TENM2: variants seen among roughly 807,000 people sequenced by gnomAD.
TENM2 encodes the protein teneurin-2.
In TENM2, 52 loss-of-function variants were observed where a neutral mutation model predicts 245.2. The observed-to-expected ratio is 0.21, with a 90% CI of 0.17 to 0.27. TENM2 has a LOEUF of 0.27. TENM2 is among the 10% of genes least tolerant of loss of function. The pLI is 1.00. For synonymous variants in TENM2, 1,363 were observed against 1,438.9 expected (o/e 0.95, Z 1.19); for missense variants, 3,046 against 3,666.8 (o/e 0.83, Z 4.37).
rs376624899 is a variant in TENM2 at position 167,423,228 on chromosome 5, T to C, written c.502+47755T>C. Among the ~76,000 whole-genome samples the C allele has an allele frequency of 7.2e-5, 11 of 152,252 alleles. No homozygotes were observed. In the East Asian group the frequency reaches 2.1e-3, roughly 29 times the overall value. ...AAAATTATTGTAGCATTTTTAGGGG[T>C]CATTGGTACATTTACTCAGCAAAGT... On this transcript the variant is annotated intron_variant, in intron 2 of 28. Transcript: ENST00000518659.
the TENM2 span, among the ~76,000 whole-genome samples, chr5:167,151,687 TTTTGTATTTTTAGTAGAGATG>T: frequency 5.7e-4 from 87 of 152,204 alleles, no homozygotes; most frequent in African/African-American, 2.0e-3. Flanking sequence ...CCTGGCTAAC[TTTTGTATTTTTAGTAGAGATG>T]GGGTTTCACC....
At chr5:168,038,753 C>A (rs1243037301) in intron 5 of TENM2, among the ~76,000 whole-genome samples, 1 of 152,194 alleles carries the variant, frequency 6.6e-6, no homozygotes, top group East Asian at 1.9e-4. Context: ...ATAGGGAGAT[C>A]CTTCCTCCCT....
At position 167,808,507 on chromosome 5, in the gene TENM2, A is replaced by AGTCT. The variant is rs1283011731; in HGVS notation, c.503-67479_503-67478insGTCT. Among the ~76,000 whole-genome samples, 95 of 152,280 alleles carry AGTCT rather than the reference A, an allele frequency of 6.2e-4. 1 individual carries two copies. Among genetic ancestry groups the AGTCT allele is most frequent in the African/African-American group, 2.2e-3 (93 of 41,572 alleles). On this transcript the variant is annotated intron_variant, in intron 2 of 28. Coordinates refer to ENST00000518659, the Ensembl canonical transcript of TENM2. ...ACTCCTGACCTCAGGTGATCAGCCT[A>AGTCT]CCTCAGTCTCCCAAAATGCTAGAAT...
At chr5:168,098,228 T>A in intron 9 of TENM2, 101 bp downstream of exon 11, 1 of 791,294 alleles carries the variant, frequency 1.3e-6, no homozygotes, top group Admixed American at 2.2e-5. Flanking sequence ...TCCCATCAAA[T>A]CCCCCGAGAC....
intron 12 of TENM2, among the ~76,000 whole-genome samples, chr5:168,144,956 T>C (rs1343125236): frequency 4.7e-4 from 71 of 151,498 alleles, no homozygotes; most frequent in Admixed American, 1.4e-3. Context: ...TTTCATGTGT[T>C]TTTTGGCTGC....
the TENM2 span, among the ~76,000 whole-genome samples, chr5:167,136,608 A>AT: frequency 6.6e-6 from 1 of 152,138 alleles, no homozygotes; most frequent in East Asian, 1.9e-4. Flanking sequence ...TTTCTTCTTT[A>AT]TTTCTATATT....
chr5:167,861,235 G>A (rs1390315134), intron 2 of TENM2, among the ~76,000 whole-genome samples: 4 of 152,056 alleles, frequency 2.6e-5, no homozygotes, highest in African/African-American at 9.7e-5. Context: ...TCCTCAAGAA[G>A]GTGGGCAAAG....
intron 2 of TENM2, among the ~76,000 whole-genome samples, chr5:167,457,135 C>G (rs372116128): frequency 6.6e-6 from 1 of 152,064 alleles, no homozygotes; most frequent in South Asian, 2.1e-4. Context: ...TTTGATATCT[C>G]TATCAGTCCC....
the TENM2 span, among the ~76,000 whole-genome samples, chr5:167,181,748 T>C: frequency 1.3e-5 from 2 of 152,170 alleles, no homozygotes; most frequent in East Asian, 3.8e-4. Flanking sequence ...TTGCTTTCAG[T>C]AGAGTGAAGG....
chr5:167,261,420 CA>C, the TENM2 span, among the ~76,000 whole-genome samples: 1 of 152,128 alleles, frequency 6.6e-6, no homozygotes, highest in Non-Finnish European at 1.5e-5. Flanking sequence ...AGATCATGCA[CA>C]TAAAACTTTT....
intron 2 of TENM2, among the ~76,000 whole-genome samples, chr5:167,464,789 T>G (rs1380868074): frequency 6.6e-6 from 1 of 152,222 alleles, no homozygotes; most frequent in Non-Finnish European, 1.5e-5. Context: ...GGATATTGTT[T>G]CAGCTTTCAA....
chr5:167,023,362 A>T, the TENM2 span, among the ~76,000 whole-genome samples: 4 of 152,208 alleles, frequency 2.6e-5, no homozygotes, highest in Non-Finnish European at 5.9e-5. Flanking sequence ...TATTGCTCAC[A>T]TTATACCTGT....
At chr5:167,511,818 G>A (rs1370591425) in intron 2 of TENM2, among the ~76,000 whole-genome samples, 1 of 152,150 alleles carries the variant, frequency 6.6e-6, no homozygotes, top group Non-Finnish European at 1.5e-5. Context: ...CACACATTTA[G>A]TCAGTTCAAC....
intron 2 of TENM2, among the ~76,000 whole-genome samples, chr5:167,661,635 A>G (rs879395641): frequency 6.6e-6 from 1 of 152,218 alleles, no homozygotes; most frequent in African/African-American, 2.4e-5. Flanking sequence ...AACTGACTTA[A>G]GTAAATAAGG....
intron 17 of TENM2, among the ~76,000 whole-genome samples, chr5:168,201,651 G>T (rs1761953076): frequency 6.6e-6 from 1 of 152,088 alleles, no homozygotes; most frequent in Non-Finnish European, 1.5e-5. Flanking sequence ...TCATTGTTCA[G>T]TATTTCAATT....
chr5:167,082,469 T>C, the TENM2 span, among the ~76,000 whole-genome samples: 2 of 152,048 alleles, frequency 1.3e-5, no homozygotes, highest in Non-Finnish European at 2.9e-5. Flanking sequence ...GCATTTTTAG[T>C]AGAGACGGGG....
At chr5:168,255,384 C>T (rs1471499078) in intron 27 of TENM2, among the ~76,000 whole-genome samples, 7 of 152,108 alleles carry the variant, frequency 4.6e-5, no homozygotes, top group African/African-American at 1.4e-4. Context: ...TCACTGCAAC[C>T]TCCACCTCCT....
intron 2 of TENM2, among the ~76,000 whole-genome samples, chr5:167,484,749 A>C (rs1004480522): frequency 1.3e-5 from 2 of 152,200 alleles, no homozygotes; most frequent in African/African-American, 2.4e-5. Context: ...GATCTAATAC[A>C]TGGGAAATTG....
intron 2 of TENM2, among the ~76,000 whole-genome samples, chr5:167,784,087 T>C (rs569835095): frequency 2.0e-5 from 3 of 152,266 alleles, no homozygotes; most frequent in African/African-American, 7.2e-5. Context: ...TTAATTTAAT[T>C]GAGAAAAATG....
Sources: gnomAD v4.1 joint callset for allele counts (sites outside exome capture counted in the v4.1 genomes callset) on GRCh38, gnomAD v4.1.1 for gene constraint, MANE v1.5 for transcripts, NCBI Gene and HGNC (gene_info 2026-07-23, HGNC 2026-07-21) for gene names.